TSR1: variants seen among roughly 807,000 people sequenced by gnomAD.
TSR1 encodes the protein pre-rRNA-processing protein TSR1 homolog.
TSR1 carries 81 observed loss-of-function variants against 90.9 expected under a neutral mutation model. That is an observed-to-expected ratio of 0.89 (90% confidence interval 0.74 to 1.07). The LOEUF (loss-of-function observed/expected upper bound fraction) is 1.07, where lower values mean the gene tolerates loss of function less well. Ranked by LOEUF, TSR1 falls within the 50% of genes least tolerant of loss-of-function variation. The probability of loss-of-function intolerance (pLI) is 0.00; values close to 1 mark genes in which losing one functional copy is unlikely to be tolerated. For missense variants in TSR1, 989 were observed against 987.3 expected, an observed-to-expected ratio of 1.00 and a Z score of -0.02; for synonymous variants, 362 against 348.8, an observed-to-expected ratio of 1.04 and a Z score of -0.42.
chr17:2,324,927 G>T, intron 12 of TSR1, 98 bp from the exon 13 acceptor site: 1 of 1,401,534 alleles, frequency 7.1e-7, no homozygotes, highest in Non-Finnish European at 9.5e-7. Flanking sequence ...AGCCTGGTTT[G>T]TCATCCCTGC....
rs745782000 is a variant in TSR1 at position 2,325,385 on chromosome 17, CA to C, written c.1938del (p.Asp647ThrfsTer41). On this transcript the variant is annotated frameshift_variant, in exon 12 of 15. Transcript: ENST00000301364. LOFTEE classifies it high-confidence loss of function. ...DKHKLQRFLT[A>X]DMALVATVYA... ...TAGACTGTCGCCACCAGGGCCATGT[CA>C]GCAGTCAGGAATCTCTGCAATTTAT... is the stretch of plus-strand genomic sequence containing the variant. The C allele has an allele frequency of 6.2e-7, 1 of 1,613,364 alleles. No individual in the cohort carries two copies. Among genetic ancestry groups the C allele is most frequent in the East Asian group, 2.2e-5 (1 of 44,854 alleles).
intron 14 of TSR1, 64 bp downstream of exon 14, chr17:2,324,440 C>T: frequency 6.2e-7 from 1 of 1,611,740 alleles, no homozygotes; most frequent in Non-Finnish European, 8.5e-7. Context: ...TGACTTCCAA[C>T]CCAACAGTCA....
In TSR1 at chr17:2,333,135, CCAAA is replaced by C. The variant is rs1425970256; in HGVS notation, c.1142-15_1142-12del. ...TTTCCTTCAAGAAATCTGTAAAAGCCCAAACAAATTAAGTAAATTACAGACTTCT... is the reference window on the plus strand; with the variant it reads ...TTTCCTTCAAGAAATCTGTAAAAGCCCAAATTAAGTAAATTACAGACTTCT... On this transcript the variant is annotated splice_polypyrimidine_tract_variant and intron_variant, in intron 6 of 14. Transcript: ENST00000301364. The C allele has an allele frequency of 1.9e-6, 3 of 1,612,718 alleles. No individual in the cohort carries two copies. The highest frequency in any genetic ancestry group is 2.7e-5 in the African/African-American group (2 of 74,914).
Position 2,336,449 on chromosome 17 carries a change from G to C in TSR1, c.-22C>G. On this transcript the variant is annotated 5_prime_UTR_variant, in exon 1 of 15. Coordinates refer to ENST00000301364, the MANE Select transcript of TSR1 (RefSeq NM_018128.5). ...CCATGCCGCAGCGCGCGTGTACGGA[G>C]TCAGCACTGCTTCCGGGCCAGGACA... The C allele has an allele frequency of 4.4e-6, 7 of 1,605,506 alleles. No homozygotes were observed. Among genetic ancestry groups the C allele is most frequent in the Non-Finnish European group, 5.9e-6 (7 of 1,178,820 alleles).
intron 5 of TSR1, among the ~76,000 whole-genome samples, chr17:2,334,257 G>C (rs980186209): frequency 1.3e-5 from 2 of 152,174 alleles, no homozygotes; most frequent in African/African-American, 2.4e-5. Flanking sequence ...CACATCTTGA[G>C]TGTGTTCTAT....
chr17:2,335,453 A>T lies in TSR1; in HGVS notation c.421+58T>A, dbSNP rs2064051474. 11 of 1,583,408 alleles carry T rather than the reference A, an allele frequency of 6.9e-6. No individual in the cohort carries two copies. The Middle Eastern group carries it at 1.0e-3, about 147-fold the overall frequency. Reference sequence around the variant, plus strand: ...TGGCACCAGCACATTATTCTAAAAAAAAAAAAAAAAAATACCACTACTCAA... The same window carrying T: ...TGGCACCAGCACATTATTCTAAAAATAAAAAAAAAAAATACCACTACTCAA... On this transcript the variant is annotated intron_variant, in intron 3 of 14. Transcript: ENST00000301364.
chr17:2,330,147 G>A lies in TSR1; in HGVS notation c.1770+368C>T, dbSNP rs565429923. On this transcript the variant is annotated intron_variant, in intron 10 of 14. Coordinates refer to ENST00000301364, the MANE Select transcript of TSR1 (RefSeq NM_018128.5). ...TTGGTCAGGCTGGTCTCGAACTCCCGACCTCAGGTGATCCACCCACCTTGG... is the reference window on the plus strand; with the variant it reads ...TTGGTCAGGCTGGTCTCGAACTCCCAACCTCAGGTGATCCACCCACCTTGG... 87 of 423,058 alleles carry A rather than the reference G, an allele frequency of 2.1e-4. 1 individual carries two copies. The highest frequency in any genetic ancestry group is 9.8e-4 in the Admixed American group (36 of 36,712). 26.2% of individuals were successfully genotyped at this position (423,058 alleles called of 1,614,324 possible).
Position 2,333,125 on chromosome 17 carries a change from C to A in TSR1, c.1142-1G>T. 3.1e-6 allele frequency: 5 copies of A among 1,612,878 alleles called. No individual in the cohort carries two copies. The highest frequency in any genetic ancestry group is 4.2e-6 in the Non-Finnish European group (5 of 1,179,348). On this transcript the variant is annotated splice_acceptor_variant, in intron 6 of 14. Coordinates refer to ENST00000301364, the MANE Select transcript of TSR1 (RefSeq NM_018128.5). LOFTEE classifies it high-confidence loss of function. Reference sequence around the variant, plus strand: ...ACCTTAGAACTTTCCTTCAAGAAATCTGTAAAAGCCCAAACAAATTAAGTA... The same window carrying A: ...ACCTTAGAACTTTCCTTCAAGAAATATGTAAAAGCCCAAACAAATTAAGTA...
rs755462629 is a variant in TSR1, at chr17:2,334,916, C to T, written c.557-20G>A. 2.1e-5 allele frequency: 34 copies of T among 1,592,152 alleles called. No individual in the cohort carries two copies. Among genetic ancestry groups the T allele is most frequent in the South Asian group, 1.1e-4 (10 of 89,876 alleles). The stretch of plus-strand genomic sequence containing the variant: ...CTAGTGCTGTAAGCGAAAGAGAAAA[C>T]GCTTCATGACCTACTGCTTCATTAC... On this transcript the variant is annotated intron_variant, in intron 4 of 14. Transcript: ENST00000301364.
At chr17:2,325,117 ACT>A (rs1280813750) in intron 12 of TSR1, 185 bp downstream of exon 12, 1 of 603,134 alleles carries the variant, frequency 1.7e-6, no homozygotes, top group African/African-American at 1.9e-5. Flanking sequence ...CTGGCTATAC[ACT>A]GTTTCACGTA....
intron 10 of TSR1, 114 bp from the exon 11 acceptor site, chr17:2,329,589 G>T: frequency 7.9e-7 from 1 of 1,269,650 alleles, no homozygotes. Context: ...AACTGACAAT[G>T]CTAATTAATG....
chr17:2,325,238 CAA>C, intron 12 of TSR1, 64 bp downstream of exon 12: 2 of 1,197,588 alleles, frequency 1.7e-6, no homozygotes. Flanking sequence ...TTTAAATAAA[CAA>C]GAGAAAACGG....
intron 8 of TSR1, 145 bp downstream of exon 8, chr17:2,332,024 C>T (rs912197555): frequency 6.0e-6 from 5 of 835,164 alleles, no homozygotes; most frequent in Non-Finnish European, 9.3e-6. Flanking sequence ...GTATGTATGT[C>T]CTGCCTTCCC....
intron 11 of TSR1, among the ~76,000 whole-genome samples, chr17:2,325,814 T>C (rs1474897157): frequency 4.6e-5 from 7 of 152,122 alleles, no homozygotes; most frequent in Non-Finnish European, 2.9e-5. Context: ...GGTTTCACCA[T>C]GTTGGCCAGG....
chr17:2,330,748 A>T, intron 9 of TSR1, 123 bp from the exon 10 acceptor site: 1 of 1,141,472 alleles, frequency 8.8e-7, no homozygotes, highest in Non-Finnish European at 1.2e-6. Context: ...TCATCCTTCA[A>T]GATGCTTCAT....
At chr17:2,325,249 G>C (rs900703030) in intron 12 of TSR1, 55 bp downstream of exon 12, 24 of 1,260,430 alleles carry the variant, frequency 1.9e-5, no homozygotes, top group Non-Finnish European at 2.2e-5. Flanking sequence ...AAGAGAAAAC[G>C]GTGTTCATCT....
At chr17:2,328,668 G>A (rs2075588018) in intron 11 of TSR1, among the ~76,000 whole-genome samples, 1 of 151,236 alleles carries the variant, frequency 6.6e-6, no homozygotes, top group African/African-American at 2.4e-5. Context: ...TGTAATCCCA[G>A]CACTTTGGGA....
In TSR1 at chr17:2,324,836, G is replaced by C; in HGVS notation, c.2021-7C>G. The stretch of plus-strand genomic sequence containing the variant: ...GCAATGAGGCTGTGCATTCCTAAAG[G>C]ACAAAAGCAAAGAAGCTATTTAGGA... On this transcript the variant is annotated splice_polypyrimidine_tract_variant and splice_region_variant and intron_variant, in intron 12 of 14. Transcript: ENST00000301364. The C allele has an allele frequency of 1.2e-6, 2 of 1,601,800 alleles. No homozygotes were observed. The highest frequency in any genetic ancestry group is 8.5e-7 in the Non-Finnish European group (1 of 1,176,606).
rs544773690 is a variant in TSR1, at chr17:2,336,136, A to G, written c.102T>C (p.Arg34=). 1 of 1,614,080 alleles carries G rather than the reference A, an allele frequency of 6.2e-7. No individual in the cohort carries two copies. Among genetic ancestry groups the G allele is most frequent in the African/African-American group, 1.3e-5 (1 of 75,028 alleles). Residue 34 remains arginine, a synonymous_variant, in exon 2 of 15, where the codon CGT becomes CGC. Coordinates refer to ENST00000301364, the MANE Select transcript of TSR1 (RefSeq NM_018128.5). The part of the protein sequence containing the change: ...RGSAQRDGKG[R]LALKTLSKKV... ...TCTTGCTTAGGGTTTTCAGTGCCAG[A>G]CGGCCTGAATGGCAGATTAGAAGGG...
Sources: allele counts gnomAD v4.1 joint callset (sites outside exome capture counted in the v4.1 genomes callset), GRCh38; gene constraint gnomAD v4.1.1; transcripts MANE v1.5; gene names NCBI Gene and HGNC (gene_info 2026-07-23, HGNC 2026-07-21).